ANO1: variants seen among roughly 807,000 people sequenced by gnomAD.
ANO1 encodes the protein anoctamin 1.
Under a neutral mutation model 124.0 loss-of-function variants are expected in ANO1, and 59 were observed. The ratio of observed to expected loss-of-function variants is 0.48; its 90% CI spans 0.39 to 0.59. ANO1 has a LOEUF of 0.59. ANO1 is among the 20% of genes least tolerant of loss of function. The pLI is 0.00. For missense variants in ANO1, 1,059 were observed against 1,328.0 expected (o/e 0.80, Z 3.15); for synonymous variants, 529 against 532.0 (o/e 0.99, Z 0.08).
intron 21 of ANO1, chr11:70,170,175 C>T: frequency 2.2e-6 from 1 of 455,652 alleles, no homozygotes; most frequent in Non-Finnish European, 4.4e-6. Flanking sequence ...CAGGCAGGTC[C>T]CCCAGGTCCC....
In ANO1 at chr11:70,109,313, C is replaced by T. The variant is rs192024824; in HGVS notation, c.799+909C>T. ...AGCAGTGGGAGTCAAGGGCTCGGAA[C>T]TGGAATTCCTGAGGTCAGGCCCGGG... On this transcript the variant is annotated intron_variant, in intron 6 of 25. Coordinates refer to ENST00000355303, the MANE Select transcript of ANO1 (RefSeq NM_018043.7). 7.2e-5 allele frequency among the ~76,000 whole-genome samples: 11 copies of T among 152,302 alleles called. No individual in the cohort carries two copies. The East Asian group carries it at 1.7e-3, about 24-fold the overall frequency.
Position 70,187,818 on chromosome 11 carries a change from G to C in ANO1, c.2775G>C (p.Lys925Asn), listed in dbSNP as rs1323310440. The change falls in exon 26 of 26, where the codon AAG becomes AAC. Residue 925 changes from lysine to asparagine, a missense_variant. This residue lies in a region of ANO1 where 809 missense variants were observed against 1,094.9 expected (regional missense o/e 0.74). Transcript: ENST00000355303. ...IPKDISQQIHKEKVLMVELFM... is the reference protein window; with the variant it reads ...IPKDISQQIHNEKVLMVELFM... The stretch of plus-strand genomic sequence containing the variant: ...AGGACATCAGCCAGCAGATCCACAA[G>C]GAGAAGGTGCTCATGGTGGAGCTGT... 1 of 1,609,396 alleles carries C rather than the reference G, an allele frequency of 6.2e-7. No individual in the cohort carries two copies. Among genetic ancestry groups the C allele is most frequent in the East Asian group, 2.2e-5 (1 of 44,784 alleles).
chr11:70,117,320 C>T (rs2046023905), intron 8 of ANO1, among the ~76,000 whole-genome samples: 1 of 152,076 alleles, frequency 6.6e-6, no homozygotes, highest in Non-Finnish European at 1.5e-5. Flanking sequence ...ATCCACCCTC[C>T]TTAGCCTCCC....
At chr11:70,126,638 C>T (rs1332074212) in intron 10 of ANO1, among the ~76,000 whole-genome samples, 3 of 146,460 alleles carry the variant, frequency 2.0e-5, no homozygotes, top group African/African-American at 7.7e-5. Context: ...GGCTGGTGTT[C>T]GCGGGAGGTG....
At chr11:69,966,817 T>C in the ANO1 span, among the ~76,000 whole-genome samples, 12,490 of 152,198 alleles carry the variant, frequency 0.082, 736 homozygotes, top group African/African-American at 0.16. Flanking sequence ...CCCAGTTGAT[T>C]GAGGGCAAGA....
At chr11:70,153,835 G>C (rs6592460) in intron 14 of ANO1, among the ~76,000 whole-genome samples, 104,592 of 151,912 alleles carry the variant, frequency 0.69, 36,139 homozygotes, top group East Asian at 0.77. Flanking sequence ...GCATGATCTC[G>C]GCTCACTGCA....
chr11:70,037,389 T>C lies in ANO1; in HGVS notation c.59-41153T>C, dbSNP rs548609078. 5.9e-5 allele frequency among the ~76,000 whole-genome samples: 9 copies of C among 152,126 alleles called. No individual in the cohort carries two copies. In the South Asian group the frequency reaches 1.3e-3, roughly 21 times the overall value. ...GGGTGGTTGGAACAAATGAGCAAGA[T>C]ATGATTACAAATGGGGCTATGGAGG... is the stretch of plus-strand genomic sequence containing the variant. On this transcript the variant is annotated intron_variant, in intron 1 of 27. Transcript: ENST00000531349.
rs542259870 is a variant in ANO1 at position 70,088,078 on chromosome 11, C to A, written c.435C>A (p.Asp145Glu). The A allele has an allele frequency of 1.5e-6, 2 of 1,343,110 alleles. No homozygotes were observed. Among genetic ancestry groups the A allele is most frequent in the East Asian group, 5.9e-5 (2 of 34,138 alleles). The allele number at this position is 1,343,110 out of a possible 1,614,324, so 83.2% of individuals were successfully genotyped here. Residue 145 changes from aspartate to glutamate, a missense_variant, in exon 2 of 26, where the codon GAC becomes GAA. By Grantham distance (45) the Asp-to-Glu change is conservative. This residue lies in a region of ANO1 where 250 missense variants were observed against 233.1 expected (regional missense o/e 1.07). Transcript: ENST00000355303. ...LLEAGLELER[D>E]EDTKIHGVGF... ...AGGCGGGCCTGGAGCTGGAGCGGGACGAGGACGTAACTATCTCACTGCGCG... is the reference window on the plus strand; with the variant it reads ...AGGCGGGCCTGGAGCTGGAGCGGGAAGAGGACGTAACTATCTCACTGCGCG...
At chr11:69,979,034 G>A in the ANO1 span, among the ~76,000 whole-genome samples, 7 of 152,136 alleles carry the variant, frequency 4.6e-5, no homozygotes, top group African/African-American at 1.4e-4. Context: ...AAACTCGAGC[G>A]ATGCGGGCAA....
chr11:70,139,072 A>T (rs1044100224), intron 11 of ANO1, among the ~76,000 whole-genome samples: 1 of 152,152 alleles, frequency 6.6e-6, no homozygotes, highest in Non-Finnish European at 1.5e-5. Flanking sequence ...TCCGCTTAGG[A>T]TAATGGTCTC....
intron 20 of ANO1, among the ~76,000 whole-genome samples, chr11:70,166,077 G>A (rs1014079479): frequency 9.2e-5 from 14 of 152,132 alleles, no homozygotes; most frequent in African/African-American, 3.4e-4. Context: ...CAGCACTTTG[G>A]GAGGCTGAGG....
intron 1 of ANO1, among the ~76,000 whole-genome samples, chr11:70,073,198 C>T (rs1362532690): frequency 6.6e-6 from 1 of 151,806 alleles, no homozygotes. Context: ...GGTGCTGTCC[C>T]GCTGCGGGGA....
chr11:69,989,131 G>A (rs910504168), intron 1 of ANO1, among the ~76,000 whole-genome samples: 1 of 151,100 alleles, frequency 6.6e-6, no homozygotes, highest in African/African-American at 2.4e-5. Flanking sequence ...ACTGTATGAG[G>A]TGGGTCCCAT....
chr11:70,182,559 T>C lies in ANO1; in HGVS notation c.2461T>C (p.Tyr821His). ...FIPRLVYLYM[Y>H]SKNGTMHGFV... The stretch of plus-strand genomic sequence containing the variant: ...CCCGCGCCTGGTGTACCTCTACATG[T>C]ACAGTAAGAACGGGACCATGCACGG... The change falls in exon 24 of 26, where the codon TAC (tyrosine) becomes CAC (histidine). Residue 821 changes from tyrosine to histidine, a missense_variant. Around this residue, in one of 2 missense-constraint regions of ANO1, gnomAD observed 809 missense variants for 1,094.9 expected, o/e 0.74. Coordinates refer to ENST00000355303, the MANE Select transcript of ANO1 (RefSeq NM_018043.7). 3.7e-6 allele frequency: 6 copies of C among 1,613,148 alleles called. No individual in the cohort carries two copies. In the South Asian group the frequency reaches 6.6e-5, roughly 18 times the overall value.
intron 1 of ANO1, among the ~76,000 whole-genome samples, chr11:70,011,212 C>G (rs4980576): frequency 0.79 from 120,850 of 152,076 alleles, 48,340 homozygotes; most frequent in East Asian, 1. Context: ...GGCCTGGGGT[C>G]GGGGAGTGGA....
chr11:70,048,360 AT>A (rs573918600), intron 1 of ANO1, among the ~76,000 whole-genome samples: 35 of 150,278 alleles, frequency 2.3e-4, no homozygotes, highest in African/African-American at 6.6e-4. Flanking sequence ...GTTCACATAG[AT>A]TTTTTTTTTA....
chr11:70,049,644 G>A (rs1299979740), intron 1 of ANO1, among the ~76,000 whole-genome samples: 1 of 152,194 alleles, frequency 6.6e-6, no homozygotes, highest in African/African-American at 2.4e-5. Context: ...GAATAAGTAA[G>A]CAATATGTCT....
chr11:69,996,954 G>A (rs1265460254), intron 1 of ANO1, among the ~76,000 whole-genome samples: 11 of 152,152 alleles, frequency 7.2e-5, no homozygotes, highest in Admixed American at 5.2e-4. Context: ...AAAGATCCCA[G>A]GGTGTGGGGT....
In ANO1 at chr11:70,188,117, C is replaced by T; in HGVS notation, c.*113C>T. 7.9e-7 allele frequency: 1 copy of T among 1,271,516 alleles called. No individual in the cohort carries two copies. The highest frequency in any genetic ancestry group is 2.6e-5 in the East Asian group (1 of 39,122). 78.8% of individuals were successfully genotyped at this position (1,271,516 alleles called of 1,614,324 possible). On this transcript the variant is annotated 3_prime_UTR_variant, in exon 26 of 26. Transcript: ENST00000355303. ...GGCCCGGTGGGTCCTGGGTTTTCTG[C>T]AAACATGGAGGACCACTTTCTGATA...
Sources: allele counts gnomAD v4.1 joint callset (sites outside exome capture counted in the v4.1 genomes callset), GRCh38; gene constraint gnomAD v4.1.1; regional missense constraint gnomAD v4.1.1; transcripts MANE v1.5; gene names NCBI Gene and HGNC (gene_info 2026-07-23, HGNC 2026-07-21).